Variants in NR5A2 observed in about 807,000 individuals in gnomAD.
The protein encoded by NR5A2 is nuclear receptor subfamily 5 group A member 2.
In NR5A2, 26 loss-of-function variants were observed where a neutral mutation model predicts 62.7. That is an observed-to-expected ratio of 0.41 (90% CI 0.30 to 0.58). The LOEUF (loss-of-function observed/expected upper bound fraction) is 0.58. Among genes scored for constraint, NR5A2 ranks in the 20% least tolerant of loss-of-function variants. NR5A2 has a pLI of 0.22. For synonymous variants in NR5A2, 246 were observed against 241.7 expected (o/e 1.02, Z -0.16); for missense variants, 541 against 669.1 (o/e 0.81, Z 2.11).
chr1:200,174,733 G>C lies in NR5A2; in HGVS notation c.*523G>C, dbSNP rs1654343697. ...GAAGGCCCCAGCACCTCTGCCCTGT[G>C]GTCACCGAATCTGTACTAAGGACCT... On this transcript the variant is annotated 3_prime_UTR_variant, in exon 8 of 8. Coordinates refer to ENST00000367362, the MANE Select transcript of NR5A2 (RefSeq NM_205860.3). 6.6e-6 allele frequency: 1 copy of C among 152,644 alleles called. No homozygotes were observed. Among genetic ancestry groups the C allele is most frequent in the African/African-American group, 2.4e-5 (1 of 41,434 alleles). The allele number at this position is 152,644 out of a possible 1,614,324, so 9.5% of individuals were successfully genotyped here.
At chr1:200,071,372 A>T (rs948298784) in intron 5 of NR5A2, among the ~76,000 whole-genome samples, 1 of 152,222 alleles carries the variant, frequency 6.6e-6, no homozygotes, top group Admixed American at 6.5e-5. Flanking sequence ...AATGTTTCAC[A>T]ATGGTTTCTG....
At chr1:200,168,398 G>A (rs919553193) in intron 7 of NR5A2, among the ~76,000 whole-genome samples, 14 of 151,876 alleles carry the variant, frequency 9.2e-5, no homozygotes, top group African/African-American at 3.4e-4. Flanking sequence ...TATTTTTAGG[G>A]GGAGACAAGG....
intron 2 of NR5A2, chr1:200,043,087 T>A: frequency 1.3e-6 from 1 of 773,548 alleles, no homozygotes; most frequent in Non-Finnish European, 1.6e-6. Flanking sequence ...CGTACGGGCG[T>A]CCTCTATTTT....
At chr1:200,136,611 A>C (rs1444584378) in intron 7 of NR5A2, among the ~76,000 whole-genome samples, 1 of 152,192 alleles carries the variant, frequency 6.6e-6, no homozygotes, top group Non-Finnish European at 1.5e-5. Flanking sequence ...GGATTTGCAC[A>C]CTTTAGTCAT....
At chr1:200,093,897 C>CT (rs1441647528) in intron 5 of NR5A2, among the ~76,000 whole-genome samples, 1 of 152,218 alleles carries the variant, frequency 6.6e-6, no homozygotes, top group African/African-American at 2.4e-5. Context: ...TGGCCCACGC[C>CT]TGTAATCCCA....
At chr1:200,107,243 T>C (rs1665724554) in intron 5 of NR5A2, among the ~76,000 whole-genome samples, 1 of 151,832 alleles carries the variant, frequency 6.6e-6, no homozygotes, top group Non-Finnish European at 1.5e-5. Flanking sequence ...CACAGAAAAC[T>C]GCAGAAGTGA....
In NR5A2 at chr1:200,168,921, T is replaced by C. The variant is rs563719193; in HGVS notation, c.1379-5042T>C. Reference sequence around the variant, plus strand: ...TCTCCTTTTCTAGAGGAAAGGGCCTTCTGAGGGCAAATCGTGTGACAGTTT... The same window carrying C: ...TCTCCTTTTCTAGAGGAAAGGGCCTCCTGAGGGCAAATCGTGTGACAGTTT... On this transcript the variant is annotated intron_variant, in intron 7 of 7. Transcript: ENST00000367362. Among the ~76,000 whole-genome samples the C allele has an allele frequency of 3.3e-5, 5 of 152,328 alleles. No individual in the cohort carries two copies. The South Asian group carries it at 1.0e-3, about 32-fold the overall frequency.
At chr1:200,115,323 G>A (rs138794435) in intron 6 of NR5A2, among the ~76,000 whole-genome samples, 518 of 152,006 alleles carry the variant, frequency 3.4e-3, no homozygotes, top group Middle Eastern at 0.031. Context: ...AAAATAACTC[G>A]CCTGCCCCAG....
chr1:200,155,783 C>G (rs568997419), intron 7 of NR5A2, among the ~76,000 whole-genome samples: 8 of 151,938 alleles, frequency 5.3e-5, no homozygotes, highest in African/African-American at 1.7e-4. Flanking sequence ...AAGCGATTCT[C>G]CTGCCTCAGC....
chr1:200,087,241 A>AACACACACACACACAC (rs34917175), intron 5 of NR5A2, among the ~76,000 whole-genome samples: 1 of 148,510 alleles, frequency 6.7e-6, no homozygotes, highest in Non-Finnish European at 1.5e-5. Context: ...CTTCTTCACC[A>AACACACACACACACAC]ACACACACAC....
intron 2 of NR5A2, among the ~76,000 whole-genome samples, chr1:200,042,350 C>T (rs1441274487): frequency 9.9e-5 from 15 of 152,150 alleles, no homozygotes. Flanking sequence ...CCCCTGACGG[C>T]CCTTTCCGAC....
rs370023515 is a variant in NR5A2, at chr1:200,052,664, C to T, written c.1110+3846C>T. Among the ~76,000 whole-genome samples the T allele has an allele frequency of 1.0e-4, 15 of 150,180 alleles. No individual in the cohort carries two copies. The South Asian group carries it at 2.1e-3, about 21-fold the overall frequency. On this transcript the variant is annotated intron_variant, in intron 5 of 7. Transcript: ENST00000367362. Reference sequence around the variant, plus strand: ...TCTCACTCTCTTTTTTTTTTTGAGACGGAGTCTTGCTTTGTCGCCCAGGTT... The same window carrying T: ...TCTCACTCTCTTTTTTTTTTTGAGATGGAGTCTTGCTTTGTCGCCCAGGTT...
intron 7 of NR5A2, among the ~76,000 whole-genome samples, chr1:200,134,138 A>G (rs1231817534): frequency 6.6e-6 from 1 of 152,216 alleles, no homozygotes; most frequent in Admixed American, 6.5e-5. Flanking sequence ...AAGAAATTGA[A>G]AAGTTTATAA....
chr1:200,063,344 G>A (rs529041704), intron 5 of NR5A2, among the ~76,000 whole-genome samples: 33 of 151,910 alleles, frequency 2.2e-4, no homozygotes, highest in African/African-American at 7.7e-4. Context: ...ACTTTTAGTA[G>A]AGACGGGGTT....
At chr1:200,156,458 C>T (rs1424566196) in intron 7 of NR5A2, among the ~76,000 whole-genome samples, 6 of 152,184 alleles carry the variant, frequency 3.9e-5, no homozygotes, top group East Asian at 1.9e-4. Context: ...AGTGCAGTGG[C>T]GTGATCTCTG....
chr1:200,045,713 T>A, intron 4 of NR5A2, 129 bp downstream of exon 4: 3 of 661,840 alleles, frequency 4.5e-6, no homozygotes, highest in Non-Finnish European at 7.1e-6. Context: ...TACTGTAAGA[T>A]CTTTCTATGT....
At chr1:200,038,675 C>T (rs1375093694) in intron 1 of NR5A2, 3 of 1,362,894 alleles carry the variant, frequency 2.2e-6, no homozygotes, top group African/African-American at 1.5e-5. Context: ...CCCGCGCCCC[C>T]ATCCCTTCTT....
chr1:200,073,702 A>C (rs896500891), intron 5 of NR5A2, among the ~76,000 whole-genome samples: 6 of 150,740 alleles, frequency 4.0e-5, no homozygotes, highest in East Asian at 1.9e-4. Context: ...CACACACACC[A>C]CACACACACA....
chr1:200,082,337 C>T (rs1266521962), intron 5 of NR5A2, among the ~76,000 whole-genome samples: 1 of 152,094 alleles, frequency 6.6e-6, no homozygotes, highest in Non-Finnish European at 1.5e-5. Flanking sequence ...GTATACAATT[C>T]TAAAAGTTCC....
Sources: allele counts gnomAD v4.1 joint callset (sites outside exome capture counted in the v4.1 genomes callset), GRCh38; gene constraint gnomAD v4.1.1; transcripts MANE v1.5; gene names NCBI Gene and HGNC (gene_info 2026-07-23, HGNC 2026-07-21).